Variants in CCDC152 observed in about 807,000 individuals in gnomAD.
CCDC152 encodes coiled-coil domain-containing protein 152.
Under a neutral mutation model 38.1 loss-of-function variants are expected in CCDC152, and 37 were observed. The ratio of observed to expected loss-of-function variants is 0.97; its 90% confidence interval spans 0.75 to 1.28. The LOEUF is 1.28. Among genes scored for constraint, CCDC152 ranks in the 50% most tolerant of loss-of-function variants. The pLI is 0.00. For missense variants in CCDC152, 259 were observed against 292.1 expected (o/e 0.89, Z 0.83); for synonymous variants, 83 against 87.1 (o/e 0.95, Z 0.26).
chr5:42,766,612 A>G (rs1759627547), intron 3 of CCDC152, among the ~76,000 whole-genome samples: 1 of 150,916 alleles, frequency 6.6e-6, no homozygotes, highest in African/African-American at 2.4e-5. Context: ...ATTTGCAACA[A>G]CATAGATGGA....
At position 42,773,274 on chromosome 5, in the gene CCDC152, G is replaced by C. The variant is rs150703409; in HGVS notation, c.262+3609G>C. 1.2e-3 allele frequency among the ~76,000 whole-genome samples: 189 copies of C among 152,076 alleles called. 1 individual carries two copies. In the East Asian group the frequency reaches 0.021, roughly 17 times the overall value. On this transcript the variant is annotated intron_variant, in intron 4 of 8. Coordinates refer to ENST00000361970, the MANE Select transcript of CCDC152 (RefSeq NM_001134848.2). ...TCTTATCAATGAATCTTTTCAGTAG[G>C]GACTTATGGATTATGTAAAAGATAA...
chr5:42,783,601 T>C, intron 6 of CCDC152, 25 bp downstream of exon 6: 1 of 1,199,212 alleles, frequency 8.3e-7, no homozygotes, highest in Non-Finnish European at 1.1e-6. Context: ...AACTTGCTTT[T>C]TTGTTATTGA....
At chr5:42,789,098 T>C (rs905296196) in intron 6 of CCDC152, among the ~76,000 whole-genome samples, 3 of 152,212 alleles carry the variant, frequency 2.0e-5, no homozygotes, top group African/African-American at 7.2e-5. Flanking sequence ...CCACCAACAG[T>C]ATTGCCCAGT....
At position 42,778,375 on chromosome 5, in the gene CCDC152, G is replaced by A. The variant is rs1343337096; in HGVS notation, c.263-1083G>A. Among the ~76,000 whole-genome samples the A allele has an allele frequency of 2.6e-5, 4 of 152,208 alleles. No individual in the cohort carries two copies. The East Asian group carries it at 5.8e-4, about 22-fold the overall frequency. ...GGAAAGACAGGGAAGAGCAACTAAG[G>A]AGGAAACTAAGACTTCTTTCCCACT... On this transcript the variant is annotated intron_variant, in intron 4 of 8. Transcript: ENST00000361970.
intron 4 of CCDC152, among the ~76,000 whole-genome samples, chr5:42,774,323 A>G (rs1759742325): frequency 6.6e-6 from 1 of 152,148 alleles, no homozygotes; most frequent in Non-Finnish European, 1.5e-5. Flanking sequence ...TACCTGTGAG[A>G]GCTCTACTAA....
chr5:42,759,900 G>A (rs559820179), intron 2 of CCDC152, among the ~76,000 whole-genome samples: 95 of 152,142 alleles, frequency 6.2e-4, no homozygotes, highest in Admixed American at 2.8e-3. Flanking sequence ...TGTATGTAGA[G>A]GTAAAAACAT....
At chr5:42,760,631 G>A (rs1337190431) in intron 2 of CCDC152, among the ~76,000 whole-genome samples, 2 of 152,168 alleles carry the variant, frequency 1.3e-5, no homozygotes, top group African/African-American at 4.8e-5. Context: ...GAGTGGGAGG[G>A]AGGCTAATAT....
chr5:42,776,685 A>G (rs1759771599), intron 4 of CCDC152, among the ~76,000 whole-genome samples: 1 of 152,206 alleles, frequency 6.6e-6, no homozygotes, highest in Non-Finnish European at 1.5e-5. Flanking sequence ...ACCTTAGCAA[A>G]TTTGAAAGAC....
intron 3 of CCDC152, among the ~76,000 whole-genome samples, chr5:42,763,442 G>A (rs886396169): frequency 1.3e-5 from 2 of 152,080 alleles, no homozygotes; most frequent in South Asian, 2.1e-4. Context: ...ATTAATCGTG[G>A]GCTCAATATA....
chr5:42,760,157 A>T (rs1759531168), intron 2 of CCDC152, among the ~76,000 whole-genome samples: 1 of 152,014 alleles, frequency 6.6e-6, no homozygotes, highest in African/African-American at 2.4e-5. Flanking sequence ...ACAAAAAATT[A>T]GCCGGGCGTG....
rs994474275 is a variant in CCDC152, at chr5:42,800,073, A to C, written c.*292A>C. The C allele has an allele frequency of 1.5e-5, 4 of 265,662 alleles. No individual in the cohort carries two copies. The highest frequency in any genetic ancestry group is 2.3e-5 in the African/African-American group (1 of 44,384). The allele number at this position is 265,662 out of a possible 1,614,324, so 16.5% of individuals were successfully genotyped here. A position where few individuals can be genotyped will look rare whatever the true frequency, so the allele number is the denominator to read the frequency against. On this transcript the variant is annotated 3_prime_UTR_variant, in exon 9 of 9. Transcript: ENST00000361970. The stretch of plus-strand genomic sequence containing the variant: ...GACAGACAATATTATCTTTCCCCTT[A>C]TATCTTTTAAGACAGCCACTCAAGT...
At chr5:42,766,137 C>A (rs562257953) in intron 3 of CCDC152, among the ~76,000 whole-genome samples, 1 of 152,074 alleles carries the variant, frequency 6.6e-6, no homozygotes, top group Non-Finnish European at 1.5e-5. Flanking sequence ...AGAAGACATA[C>A]AAATGGTAAA....
In CCDC152 at chr5:42,800,704, G is replaced by A. The variant is rs368334009; in HGVS notation, c.*923G>A. The stretch of plus-strand genomic sequence containing the variant: ...GTGTCTAGACTAAATTGGGGAGTAT[G>A]TCCTATTTTAAATATTTAGTTTGAA... On this transcript the variant is annotated 3_prime_UTR_variant, in exon 9 of 9. Coordinates refer to ENST00000361970, the MANE Select transcript of CCDC152 (RefSeq NM_001134848.2). The A allele has an allele frequency of 7.0e-6, 11 of 1,581,616 alleles. No individual in the cohort carries two copies. The highest frequency in any genetic ancestry group is 5.3e-5 in the Admixed American group (3 of 56,452).
chr5:42,773,741 A>G (rs535842835), intron 4 of CCDC152, among the ~76,000 whole-genome samples: 1 of 152,354 alleles, frequency 6.6e-6, no homozygotes, highest in African/African-American at 2.4e-5. Context: ...GCTCTTTATC[A>G]GGCATATTAA....
intron 5 of CCDC152, among the ~76,000 whole-genome samples, 163 bp from the exon 6 acceptor site, chr5:42,783,311 T>C (rs1759873154): frequency 6.6e-6 from 1 of 152,030 alleles, no homozygotes; most frequent in African/African-American, 2.4e-5. Flanking sequence ...GTGAAATTGT[T>C]CATTTATATT....
Position 42,759,189 on chromosome 5 carries a change from A to T in CCDC152, c.68A>T (p.Asp23Val). Residue 23 changes from aspartate to valine, a missense_variant, in exon 2 of 9, where the codon GAC (aspartate) becomes GTC (valine). Asp to Val is a radical substitution (Grantham distance 152). Coordinates refer to ENST00000361970, the MANE Select transcript of CCDC152 (RefSeq NM_001134848.2). Reference protein sequence around the residue: ...SSVNLDKLINDFSQIEKKMVE... With the variant: ...SSVNLDKLINVFSQIEKKMVE... ...GTGAATCTTGACAAACTTATAAATG[A>T]CTTCTCACAGATAGAAAAGGTATGT... 1 of 1,547,864 alleles carries T rather than the reference A, an allele frequency of 6.5e-7. No homozygotes were observed. The highest frequency in any genetic ancestry group is 2.0e-5 in the Admixed American group (1 of 50,956).
chr5:42,764,729 T>A (rs1759603100), intron 3 of CCDC152, among the ~76,000 whole-genome samples: 1 of 152,200 alleles, frequency 6.6e-6, no homozygotes, highest in Non-Finnish European at 1.5e-5. Flanking sequence ...CAACATTCCT[T>A]CATGATAAAA....
intron 6 of CCDC152, among the ~76,000 whole-genome samples, chr5:42,791,858 G>A (rs1231081833): frequency 1.3e-5 from 2 of 152,156 alleles, no homozygotes; most frequent in African/African-American, 4.8e-5. Flanking sequence ...TGTTCTCAGG[G>A]ATACTCACAT....
Position 42,759,032 on chromosome 5 carries a change from A to G in CCDC152, c.-2-88A>G, listed in dbSNP as rs1010687296. ...TAGGTGCCCTATGAGTTGAATATAGAAATGTTAGTATTTGAGCTATGAACA... is the reference window on the plus strand; with the variant it reads ...TAGGTGCCCTATGAGTTGAATATAGGAATGTTAGTATTTGAGCTATGAACA... On this transcript the variant is annotated intron_variant, in intron 1 of 8. Transcript: ENST00000361970. 77 of 924,134 alleles carry G rather than the reference A, an allele frequency of 8.3e-5. No individual in the cohort carries two copies. In the African/African-American group the frequency reaches 1.2e-3, roughly 15 times the overall value. The allele number at this position is 924,134 out of a possible 1,614,324, so 57.2% of individuals were successfully genotyped here. A position where few individuals can be genotyped will look rare whatever the true frequency, so the allele number is the denominator to read the frequency against.
Sources: allele counts gnomAD v4.1 joint callset (sites outside exome capture counted in the v4.1 genomes callset), GRCh38; gene constraint gnomAD v4.1.1; transcripts MANE v1.5; gene names NCBI Gene and HGNC (gene_info 2026-07-23, HGNC 2026-07-21).